The following MED12L variants were observed in gnomAD, a reference collection of about 807,000 sequenced individuals.
MED12L encodes mediator complex subunit 12L, also known as mediator of RNA polymerase II transcription subunit 12-like protein.
MED12L carries 60 observed loss-of-function variants against 281.3 expected under a neutral mutation model. The ratio of observed to expected loss-of-function variants is 0.21; its 90% CI spans 0.17 to 0.26. MED12L has a LOEUF of 0.26. MED12L is among the 10% of genes least tolerant of loss of function. The pLI, the probability that MED12L is intolerant of heterozygous loss-of-function variation, is 1.00. For synonymous variants in MED12L, 974 were observed against 987.2 expected (o/e 0.99, Z 0.25); for missense variants, 2,146 against 2,680.9 (o/e 0.80, Z 4.41).
At position 151,231,354 on chromosome 3, in the gene MED12L, C is replaced by T. The variant is rs184351824; in HGVS notation, c.2250+37688C>T. The stretch of plus-strand genomic sequence containing the variant: ...GTATCTTTCAGTCTGAAAACATACT[C>T]CCCCATCATTTAGAGTAATAAAAAG... On this transcript the variant is annotated intron_variant, in intron 16 of 44. Transcript: ENST00000687756. Among the ~76,000 whole-genome samples, 57 of 152,264 alleles carry T rather than the reference C, an allele frequency of 3.7e-4. 1 individual carries two copies. Among genetic ancestry groups the T allele is most frequent in the African/African-American group, 1.3e-3 (55 of 41,554 alleles).
At chr3:151,385,909 G>A (rs770672351) in intron 36 of MED12L, among the ~76,000 whole-genome samples, 14 of 152,200 alleles carry the variant, frequency 9.2e-5, no homozygotes, top group East Asian at 3.9e-4. Context: ...AGCAACCACC[G>A]ACATTCCACA....
chr3:151,235,349 A>G (rs1207679285), intron 16 of MED12L, among the ~76,000 whole-genome samples: 1 of 152,134 alleles, frequency 6.6e-6, no homozygotes, highest in Admixed American at 6.5e-5. Flanking sequence ...GAGTAGCAGG[A>G]ATGTTCAGGT....
intron 20 of MED12L, 127 bp downstream of exon 20, chr3:151,357,503 C>T (rs1754073385): frequency 2.6e-6 from 2 of 777,712 alleles, no homozygotes; most frequent in Non-Finnish European, 3.8e-6. Flanking sequence ...GGTTAAAGAA[C>T]ACTCTTGCCA....
At chr3:151,099,656 C>A (rs1011418970) in intron 2 of MED12L, among the ~76,000 whole-genome samples, 6 of 152,034 alleles carry the variant, frequency 3.9e-5, no homozygotes, top group African/African-American at 1.2e-4. Flanking sequence ...TCGAGAGCTC[C>A]AGAGGTATTG....
chr3:151,129,348 T>C (rs1051090271), intron 5 of MED12L, among the ~76,000 whole-genome samples: 8 of 151,978 alleles, frequency 5.3e-5, no homozygotes, highest in African/African-American at 1.7e-4. Context: ...TTAAAAGAAA[T>C]AAGCAAAAAG....
chr3:151,140,504 T>C (rs1329057489), intron 5 of MED12L, among the ~76,000 whole-genome samples: 2 of 152,246 alleles, frequency 1.3e-5, no homozygotes, highest in Non-Finnish European at 2.9e-5. Flanking sequence ...TGTAACTCTA[T>C]GTGCCCGATT....
intron 16 of MED12L, among the ~76,000 whole-genome samples, chr3:151,277,417 T>G (rs981133331): frequency 7.7e-4 from 116 of 151,364 alleles, no homozygotes; most frequent in Non-Finnish European, 9.4e-4. Flanking sequence ...AATGGCTAGG[T>G]TTTTTTTTAG....
chr3:151,384,130 G>A lies in MED12L; in HGVS notation c.4838G>A (p.Gly1613Glu). 1 of 1,614,014 alleles carries A rather than the reference G, an allele frequency of 6.2e-7. No individual in the cohort carries two copies. Among genetic ancestry groups the A allele is most frequent in the Non-Finnish European group, 8.5e-7 (1 of 1,179,926 alleles). The change falls in exon 35 of 45, where the codon GGA becomes GAA. Residue 1613 changes from glycine (G) to glutamate (E), a missense_variant. Around this residue, in one of 9 missense-constraint regions of MED12L, gnomAD observed 212 missense variants for 340.8 expected, o/e 0.62. Transcript: ENST00000687756. ...GACATGCTGGGTGTTTTAATCAATGGAACGTTAGCCTCTGACCTATCAAAT... is the reference window on the plus strand; with the variant it reads ...GACATGCTGGGTGTTTTAATCAATGAAACGTTAGCCTCTGACCTATCAAAT... ...VLDMLGVLIN[G>E]TLASDLSNAS...
chr3:151,332,967 G>A (rs1279748300), intron 16 of MED12L, among the ~76,000 whole-genome samples: 1 of 152,016 alleles, frequency 6.6e-6, no homozygotes, highest in Non-Finnish European at 1.5e-5. Context: ...TCAATGTTTA[G>A]CTCCCACTAA....
chr3:151,142,750 T>C (rs1717234873), intron 5 of MED12L, among the ~76,000 whole-genome samples: 1 of 152,206 alleles, frequency 6.6e-6, no homozygotes, highest in Non-Finnish European at 1.5e-5. Context: ...AATGACTTAT[T>C]TATAAAAGCT....
chr3:151,390,855 C>A (rs1714127610), intron 38 of MED12L, among the ~76,000 whole-genome samples: 1 of 152,054 alleles, frequency 6.6e-6, no homozygotes, highest in African/African-American at 2.4e-5. Context: ...TCATTTATGG[C>A]TTATAGCAGG....
At chr3:151,127,763 G>T in intron 4 of MED12L, 62 bp from the exon 5 acceptor site, 1 of 1,216,936 alleles carries the variant, frequency 8.2e-7, no homozygotes, top group South Asian at 1.5e-5. Context: ...CTTTATTTAG[G>T]TTTATCTAGT....
intron 3 of MED12L, 116 bp downstream of exon 3, chr3:151,116,558 C>T (rs1218939377): frequency 2.3e-5 from 15 of 664,616 alleles, no homozygotes; most frequent in South Asian, 2.2e-4. Context: ...TTCAGATTTC[C>T]CCCAAATACC....
At chr3:151,319,557 A>AT (rs149781438) in intron 16 of MED12L, among the ~76,000 whole-genome samples, 265 of 149,784 alleles carry the variant, frequency 1.8e-3, no homozygotes, top group African/African-American at 6.1e-3. Flanking sequence ...TACTAGGGTG[A>AT]TTTTTTTCCT....
intron 4 of MED12L, among the ~76,000 whole-genome samples, chr3:151,125,889 C>G (rs980585868): frequency 4.6e-5 from 7 of 152,048 alleles, no homozygotes; most frequent in Non-Finnish European, 8.8e-5. Context: ...TAGCGTTGGC[C>G]TATATGACTT....
chr3:151,268,556 A>T (rs904776111), intron 16 of MED12L, among the ~76,000 whole-genome samples: 2 of 152,198 alleles, frequency 1.3e-5, no homozygotes, highest in Non-Finnish European at 2.9e-5. Context: ...TGTGAGTTAG[A>T]CATTTTGTCA....
rs147741407 is a variant in MED12L at position 151,225,630 on chromosome 3, A to G, written c.2250+31964A>G. 4.1e-3 allele frequency among the ~76,000 whole-genome samples: 627 copies of G among 152,276 alleles called. 5 individuals are homozygous for G. Among genetic ancestry groups the G allele is most frequent in the African/African-American group, 0.014 (589 of 41,554 alleles). ...CCGTAGCAGCTTTCTGTCAGATCCT[A>G]TCGGTAGCTGTCTCATCCGTGTTCT... On this transcript the variant is annotated intron_variant, in intron 16 of 44. Coordinates refer to ENST00000687756, the MANE Select transcript of MED12L (RefSeq NM_001393769.1).
At chr3:151,278,775 C>T (rs1742325848) in intron 16 of MED12L, among the ~76,000 whole-genome samples, 1 of 152,134 alleles carries the variant, frequency 6.6e-6, no homozygotes, top group Admixed American at 6.5e-5. Flanking sequence ...CACAGTATAA[C>T]GTGCAGAGAT....
chr3:151,190,978 A>G, intron 14 of MED12L, 47 bp downstream of exon 14: 5 of 1,534,344 alleles, frequency 3.3e-6, no homozygotes, highest in Non-Finnish European at 4.5e-6. Context: ...ACTAAACTCT[A>G]CTGGGAACCA....
Sources: allele counts gnomAD v4.1 joint callset (sites outside exome capture counted in the v4.1 genomes callset), GRCh38; gene constraint gnomAD v4.1.1; regional missense constraint gnomAD v4.1.1; transcripts MANE v1.5; gene names NCBI Gene and HGNC (gene_info 2026-07-23, HGNC 2026-07-21).